INPP5A: variants seen among roughly 807,000 people sequenced by gnomAD.
INPP5A encodes the protein 43 kDa inositol polyphosphate 5-phophatase.
A neutral mutation model predicts 65.2 loss-of-function variants in INPP5A; 14 were observed. That is an observed-to-expected ratio of 0.21 (90% CI 0.14 to 0.34). The LOEUF (loss-of-function observed/expected upper bound fraction) is 0.34. Among genes scored for constraint, INPP5A ranks in the 10% least tolerant of loss-of-function variants. The probability of loss-of-function intolerance (pLI) is 1.00; values close to 1 mark genes in which losing one functional copy is unlikely to be tolerated. For missense variants in INPP5A, 431 were observed against 545.6 expected (o/e 0.79, Z 2.09); for synonymous variants, 207 against 208.3 (o/e 0.99, Z 0.05).
At chr10:132,657,099 T>C (rs1321211455) in intron 4 of INPP5A, among the ~76,000 whole-genome samples, 1 of 152,216 alleles carries the variant, frequency 6.6e-6, no homozygotes, top group African/African-American at 2.4e-5. Context: ...GGAGGCTGCC[T>C]CAGCCAGGAT....
In INPP5A at chr10:132,650,244, T is replaced by C. The variant is rs2072556292; in HGVS notation, c.219-174T>C. ...CTCTGCACATGCTGAGAGCTGAACG[T>C]GAGGCCAGCTCCTGCGGTGGCTGCC... On this transcript the variant is annotated intron_variant, in intron 3 of 15. Coordinates refer to ENST00000368594, the MANE Select transcript of INPP5A (RefSeq NM_005539.5). This position sits in a 1 kb window ranked among gnomAD's most constrained non-coding sequence, Gnocchi z 5.5. 6.6e-6 allele frequency among the ~76,000 whole-genome samples: 1 copy of C among 152,164 alleles called. No homozygotes were observed. The highest frequency in any genetic ancestry group is 1.5e-5 in the Non-Finnish European group (1 of 68,008).
chr10:132,744,496 C>T (rs984032139), intron 9 of INPP5A, among the ~76,000 whole-genome samples: 8 of 152,270 alleles, frequency 5.3e-5, no homozygotes, highest in Middle Eastern at 3.4e-3. Flanking sequence ...GGGATATGCC[C>T]GTAGGTGTCG....
rs922121690 is a variant in INPP5A, at chr10:132,727,934, C to T, written c.732+1029C>T. Among the ~76,000 whole-genome samples, 3 of 152,192 alleles carry T rather than the reference C, an allele frequency of 2.0e-5. No individual in the cohort carries two copies. Among genetic ancestry groups the T allele is most frequent in the Non-Finnish European group, 2.9e-5 (2 of 68,034 alleles). ...ACTGTTATCTTCCCATTTTAGTCTC[C>T]AGTTCCAAACACCCACACGTATTCA... On this transcript the variant is annotated intron_variant, in intron 9 of 15. Transcript: ENST00000368594. The surrounding 1 kb of genome is among the most constrained non-coding windows in gnomAD (Gnocchi z 6.5).
chr10:132,624,303 C>T (rs1202458054), intron 2 of INPP5A, among the ~76,000 whole-genome samples: 2 of 152,236 alleles, frequency 1.3e-5, no homozygotes, highest in East Asian at 1.9e-4. Context: ...CAGAGATGAG[C>T]GGTTCTTACA....
At chr10:132,750,483 G>A (rs1324834553) in intron 11 of INPP5A, among the ~76,000 whole-genome samples, 3 of 152,212 alleles carry the variant, frequency 2.0e-5, no homozygotes, top group East Asian at 1.9e-4. Context: ...TTTTGAAATC[G>A]TGAGTCTTCC....
chr10:132,634,984 T>G (rs1184406338), intron 2 of INPP5A, among the ~76,000 whole-genome samples: 1 of 152,238 alleles, frequency 6.6e-6, no homozygotes, highest in African/African-American at 2.4e-5. Flanking sequence ...CTCCCAGCCT[T>G]GCAATTGGAA....
intron 4 of INPP5A, among the ~76,000 whole-genome samples, chr10:132,665,745 G>A (rs578254962): frequency 1.1e-4 from 16 of 147,734 alleles, no homozygotes; most frequent in African/African-American, 4.0e-4. Context: ...GAGCTTAGGA[G>A]TAATCCCAGC....
intron 4 of INPP5A, among the ~76,000 whole-genome samples, chr10:132,688,644 A>G: frequency 6.6e-6 from 1 of 150,720 alleles, no homozygotes; most frequent in Non-Finnish European, 1.5e-5. Flanking sequence ...CGTGTGCATG[A>G]GTGTGTGTGC....
chr10:132,647,121 T>C (rs1405344919), intron 3 of INPP5A, among the ~76,000 whole-genome samples: 2 of 151,942 alleles, frequency 1.3e-5, no homozygotes, highest in South Asian at 2.1e-4. Flanking sequence ...TTTTCTTTTT[T>C]TTTTTTTGTT....
At chr10:132,600,860 G>A (rs918813361) in intron 1 of INPP5A, among the ~76,000 whole-genome samples, 7 of 152,174 alleles carry the variant, frequency 4.6e-5, no homozygotes, top group South Asian at 2.1e-4. Context: ...TCACTATCAC[G>A]AGAATAGCAT....
chr10:132,723,329 C>T (rs1249034933), intron 8 of INPP5A, among the ~76,000 whole-genome samples: 1 of 152,256 alleles, frequency 6.6e-6, no homozygotes, highest in Non-Finnish European at 1.5e-5. Context: ...TTTCCTCTCT[C>T]TCCGCACTGG....
intron 2 of INPP5A, among the ~76,000 whole-genome samples, chr10:132,624,055 A>G (rs1175683991): frequency 3.3e-5 from 5 of 152,214 alleles, no homozygotes; most frequent in Non-Finnish European, 5.9e-5. Context: ...CGGAAGTCCT[A>G]TGCCTGCTGC....
At chr10:132,779,768 GAC>G (rs1020167223) in intron 13 of INPP5A, among the ~76,000 whole-genome samples, 2 of 152,240 alleles carry the variant, frequency 1.3e-5, no homozygotes, top group African/African-American at 4.8e-5. Flanking sequence ...CATCCATCAT[GAC>G]ACGCGCCGTC....
At chr10:132,652,663 C>T (rs1202276547) in intron 4 of INPP5A, among the ~76,000 whole-genome samples, 2 of 152,206 alleles carry the variant, frequency 1.3e-5, no homozygotes, top group Non-Finnish European at 2.9e-5. Flanking sequence ...GGGACCATCG[C>T]TCAGCTCTTT....
At chr10:132,626,234 G>T (rs192431624) in intron 2 of INPP5A, among the ~76,000 whole-genome samples, 1 of 152,208 alleles carries the variant, frequency 6.6e-6, no homozygotes, top group Non-Finnish European at 1.5e-5. Flanking sequence ...CCCACTCTGC[G>T]CTCCCCACTC....
chr10:132,673,506 T>G (rs961724459), intron 4 of INPP5A, among the ~76,000 whole-genome samples: 1 of 152,184 alleles, frequency 6.6e-6, no homozygotes, highest in African/African-American at 2.4e-5. Context: ...GTGTTGTAAT[T>G]GTGACTTCAA....
chr10:132,607,431 A>G (rs77866270), intron 1 of INPP5A, among the ~76,000 whole-genome samples: 2 of 152,338 alleles, frequency 1.3e-5, no homozygotes, highest in Non-Finnish European at 2.9e-5. Context: ...TTCACCCCAA[A>G]CACACAGAAA....
intron 4 of INPP5A, among the ~76,000 whole-genome samples, chr10:132,661,346 A>G (rs969862504): frequency 3.3e-5 from 5 of 152,218 alleles, no homozygotes; most frequent in Non-Finnish European, 4.4e-5. Flanking sequence ...ATGTCTTCAG[A>G]ATCTCTTTAT....
rs773881393 is a variant in INPP5A at position 132,559,608 on chromosome 10, C to T, written c.75+21437C>T. On this transcript the variant is annotated intron_variant, in intron 1 of 15. Coordinates refer to ENST00000368594, the MANE Select transcript of INPP5A (RefSeq NM_005539.5). ...CGTGTGGCCTTCGCATCGTACTTCACGTGCTCAGCACGTGTGTTCCAGGGA... is the reference window on the plus strand; with the variant it reads ...CGTGTGGCCTTCGCATCGTACTTCATGTGCTCAGCACGTGTGTTCCAGGGA... 1.9e-4 allele frequency among the ~76,000 whole-genome samples: 29 copies of T among 152,360 alleles called. No individual in the cohort carries two copies. The Middle Eastern group carries it at 0.01, about 54-fold the overall frequency.
Sources: gnomAD v4.1 joint callset for allele counts (sites outside exome capture counted in the v4.1 genomes callset) on GRCh38, gnomAD v4.1.1 for gene constraint, Gnocchi (gnomAD v3.1) non-coding constraint, MANE v1.5 for transcripts, NCBI Gene and HGNC (gene_info 2026-07-23, HGNC 2026-07-21) for gene names.